The following TGFA variants were observed in gnomAD, a reference collection of about 807,000 sequenced individuals.
TGFA encodes the protein transforming growth factor alpha, also known as protransforming growth factor alpha.
TGFA carries 12 observed loss-of-function variants against 21.7 expected under a neutral mutation model. The observed-to-expected ratio is 0.55, with a 90% confidence interval of 0.35 to 0.90. TGFA has a LOEUF of 0.90. Among genes scored for constraint, TGFA ranks in the 40% least tolerant of loss-of-function variants. The probability of loss-of-function intolerance (pLI) is 0.01; values close to 1 mark genes in which losing one functional copy is unlikely to be tolerated. For synonymous variants in TGFA, 79 were observed against 88.1 expected (o/e 0.90, Z 0.58); for missense variants, 178 against 210.8 (o/e 0.84, Z 0.96).
At chr2:70,512,205 C>T (rs1292894631) in intron 2 of TGFA, among the ~76,000 whole-genome samples, 1 of 152,176 alleles carries the variant, frequency 6.6e-6, no homozygotes, top group Non-Finnish European at 1.5e-5. Flanking sequence ...CTGGCCCAGC[C>T]CTCTCTGGAT....
At chr2:70,543,768 A>G (rs528618536) in intron 1 of TGFA, among the ~76,000 whole-genome samples, 2 of 152,304 alleles carry the variant, frequency 1.3e-5, no homozygotes, top group South Asian at 4.1e-4. Flanking sequence ...CCTTCACAAA[A>G]TTGTTGGTTA....
At chr2:70,494,768 A>G (rs1559118892) in intron 2 of TGFA, among the ~76,000 whole-genome samples, 3 of 152,114 alleles carry the variant, frequency 2.0e-5, no homozygotes, top group African/African-American at 7.2e-5. Flanking sequence ...GGCCGTATGT[A>G]GTTTTTCTTT....
At chr2:70,516,170 A>G (rs1482594771) in intron 1 of TGFA, among the ~76,000 whole-genome samples, 2 of 152,244 alleles carry the variant, frequency 1.3e-5, no homozygotes, top group Admixed American at 1.3e-4. Context: ...TGAAACGCAA[A>G]AAGATGCCAC....
At chr2:70,464,657 C>G (rs1411484000) in intron 3 of TGFA, among the ~76,000 whole-genome samples, 1 of 152,154 alleles carries the variant, frequency 6.6e-6, no homozygotes, top group Non-Finnish European at 1.5e-5. Context: ...CAATATAGGT[C>G]CCCCTAATAG....
chr2:70,535,772 C>T (rs1406370999), intron 1 of TGFA, among the ~76,000 whole-genome samples: 1 of 152,188 alleles, frequency 6.6e-6, no homozygotes, highest in Non-Finnish European at 1.5e-5. Context: ...AAAATAAGGT[C>T]GTATTACATA....
intron 2 of TGFA, among the ~76,000 whole-genome samples, chr2:70,483,640 A>C (rs559790734): frequency 9.9e-5 from 15 of 152,230 alleles, no homozygotes; most frequent in Non-Finnish European, 1.9e-4. Context: ...TACCTGCCAC[A>C]AGAGATGGAC....
At chr2:70,488,612 T>G (rs1274922200) in intron 2 of TGFA, among the ~76,000 whole-genome samples, 1 of 152,224 alleles carries the variant, frequency 6.6e-6, no homozygotes, top group Non-Finnish European at 1.5e-5. Context: ...ATTTGTCATC[T>G]TCCCTTGCCC....
chr2:70,489,253 GC>G (rs1448732724), intron 2 of TGFA, among the ~76,000 whole-genome samples: 1 of 152,240 alleles, frequency 6.6e-6, no homozygotes, highest in African/African-American at 2.4e-5. Flanking sequence ...AAAAAGGTGG[GC>G]GTTGGAATGC....
chr2:70,451,760 G>C (rs1670066336), intron 5 of TGFA: 1 of 702,020 alleles, frequency 1.4e-6, no homozygotes, highest in Non-Finnish European at 2.6e-6. Flanking sequence ...GCCCAAGGTA[G>C]CTGAAAGGAG....
At chr2:70,492,260 A>G (rs191822884) in intron 2 of TGFA, among the ~76,000 whole-genome samples, 2 of 152,344 alleles carry the variant, frequency 1.3e-5, no homozygotes, top group African/African-American at 4.8e-5. Flanking sequence ...TTGCACCTTA[A>G]CAGATACTTG....
chr2:70,481,555 G>C (rs1553495527), intron 2 of TGFA, among the ~76,000 whole-genome samples: 2 of 152,088 alleles, frequency 1.3e-5, no homozygotes, highest in Non-Finnish European at 1.5e-5. Context: ...TTGACATCCA[G>C]CCTCCAAGGT....
rs143328696 is a variant in TGFA at position 70,549,831 on chromosome 2, G to A, written c.40+3897C>T. ...AAGTCCCCTTTGCAGGGGACATTGA[G>A]TATTTATAGAAAGATCACTTTATCC... On this transcript the variant is annotated intron_variant, in intron 1 of 5. Transcript: ENST00000295400. Among the ~76,000 whole-genome samples, 385 of 152,266 alleles carry A rather than the reference G, an allele frequency of 2.5e-3. 1 individual carries two copies. Among genetic ancestry groups the A allele is most frequent in the African/African-American group, 8.8e-3 (365 of 41,540 alleles).
chr2:70,452,115 C>G (rs1553489736), intron 5 of TGFA, among the ~76,000 whole-genome samples: 1 of 152,228 alleles, frequency 6.6e-6, no homozygotes, highest in African/African-American at 2.4e-5. Context: ...AAGCCTTCCT[C>G]CCTACCCTCT....
At position 70,537,050 on chromosome 2, in the gene TGFA, C is replaced by T. The variant is rs114985293; in HGVS notation, c.40+16678G>A. 4.4e-3 allele frequency among the ~76,000 whole-genome samples: 654 copies of T among 149,224 alleles called. 5 individuals are homozygous for T. The highest frequency in any genetic ancestry group is 0.015 in the African/African-American group (612 of 40,624). Reference sequence around the variant, plus strand: ...TTTGTGGCATCTATCCAACAGCAAGCGCTCACTTCGTGTCTCTGTGTCACA... The same window carrying T: ...TTTGTGGCATCTATCCAACAGCAAGTGCTCACTTCGTGTCTCTGTGTCACA... On this transcript the variant is annotated intron_variant, in intron 1 of 5. Transcript: ENST00000295400.
chr2:70,468,766 T>C (rs1553492724), intron 2 of TGFA, among the ~76,000 whole-genome samples: 2 of 152,164 alleles, frequency 1.3e-5, no homozygotes, highest in African/African-American at 2.4e-5. Context: ...CACCCCCAAA[T>C]TGGACTGTCT....
chr2:70,463,968 T>A (rs1383439546), intron 3 of TGFA, among the ~76,000 whole-genome samples: 2 of 152,214 alleles, frequency 1.3e-5, no homozygotes, highest in Non-Finnish European at 2.9e-5. Flanking sequence ...AGGCCTGTCA[T>A]CTGGAGGAGT....
chr2:70,458,826 C>T (rs373251062), intron 3 of TGFA, among the ~76,000 whole-genome samples: 27 of 152,354 alleles, frequency 1.8e-4, no homozygotes, highest in African/African-American at 6.0e-4. Flanking sequence ...TCTTCTCTGA[C>T]CAGCTTCACT....
At chr2:70,533,265 T>C (rs553462393) in intron 1 of TGFA, among the ~76,000 whole-genome samples, 6 of 152,302 alleles carry the variant, frequency 3.9e-5, no homozygotes, top group Non-Finnish European at 7.3e-5. Context: ...GCTGAAAAGA[T>C]GAAGAAATTT....
chr2:70,500,409 T>C (rs1671703322), intron 2 of TGFA, among the ~76,000 whole-genome samples: 1 of 152,080 alleles, frequency 6.6e-6, no homozygotes, highest in Non-Finnish European at 1.5e-5. Context: ...AACAACATCC[T>C]GGTTCAGGGG....
Sources: allele counts gnomAD v4.1 joint callset (sites outside exome capture counted in the v4.1 genomes callset), GRCh38; gene constraint gnomAD v4.1.1; transcripts MANE v1.5; gene names NCBI Gene and HGNC (gene_info 2026-07-23, HGNC 2026-07-21).